CPEB3: variants seen among roughly 807,000 people sequenced by gnomAD.
CPEB3 encodes the protein cytoplasmic polyadenylation element binding protein 3, also known as cytoplasmic polyadenylation element-binding protein 3.
A neutral mutation model predicts 67.2 loss-of-function variants in CPEB3; 20 were observed. The ratio of observed to expected loss-of-function variants is 0.30; its 90% CI spans 0.21 to 0.43. CPEB3 has a LOEUF of 0.43. CPEB3 is among the 20% of genes least tolerant of loss of function. The pLI is 1.00. For missense variants in CPEB3, 746 were observed against 968.6 expected (o/e 0.77, Z 3.05); for synonymous variants, 376 against 393.1 (o/e 0.96, Z 0.51).
chr10:92,159,749 C>T (rs996441283), intron 4 of CPEB3, among the ~76,000 whole-genome samples: 3 of 152,148 alleles, frequency 2.0e-5, no homozygotes, highest in Non-Finnish European at 4.4e-5. Flanking sequence ...ACTTTTCAGC[C>T]GGATAGTTGA....
intron 8 of CPEB3, among the ~76,000 whole-genome samples, chr10:92,089,514 C>A (rs1458108206): frequency 9.2e-5 from 14 of 152,054 alleles, no homozygotes; most frequent in Admixed American, 7.2e-4. Flanking sequence ...CGGCTGGGCA[C>A]GGTGGCTCAC....
chr10:92,150,369 G>T (rs1846907014), intron 4 of CPEB3, among the ~76,000 whole-genome samples: 1 of 151,952 alleles, frequency 6.6e-6, no homozygotes, highest in African/African-American at 2.4e-5. Context: ...TGGGATTACA[G>T]GCATGAGCCA....
intron 2 of CPEB3, among the ~76,000 whole-genome samples, chr10:92,195,743 T>C (rs1849210404): frequency 6.6e-6 from 1 of 152,200 alleles, no homozygotes; most frequent in African/African-American, 2.4e-5. Context: ...TATTTTTTCA[T>C]TTAATTATTG....
chr10:92,207,155 G>T (rs960437863), intron 2 of CPEB3, among the ~76,000 whole-genome samples: 2 of 151,962 alleles, frequency 1.3e-5, no homozygotes. Context: ...GCTAATTTTG[G>T]TATTTTTTGT....
chr10:92,282,203 T>C (rs997212110), intron 1 of CPEB3, among the ~76,000 whole-genome samples: 2 of 152,188 alleles, frequency 1.3e-5, no homozygotes, highest in African/African-American at 4.8e-5. Context: ...TCTCCCACCA[T>C]ATTTATAAGG....
chr10:92,055,973 G>T (rs1242046195), intron 9 of CPEB3, among the ~76,000 whole-genome samples: 2 of 152,178 alleles, frequency 1.3e-5, no homozygotes, highest in South Asian at 2.1e-4. Context: ...AGCCAAGATT[G>T]TGTCATTGTA....
intron 3 of CPEB3, among the ~76,000 whole-genome samples, chr10:92,182,805 G>A (rs1025484294): frequency 2.0e-4 from 27 of 136,482 alleles, no homozygotes; most frequent in South Asian, 4.5e-4. Flanking sequence ...CAGCCAGGGC[G>A]ACAGAGCAAG....
rs1564735464 is a variant in CPEB3 at position 92,047,274 on chromosome 10, A to AC, written c.*4937_*4938insG. 3 of 152,152 alleles carry AC rather than the reference A, an allele frequency of 2.0e-5. No individual in the cohort carries two copies. Among genetic ancestry groups the AC allele is most frequent in the South Asian group, 4.2e-4 (2 of 4,802 alleles). The allele number at this position is 152,152 out of a possible 1,614,324, so 9.4% of individuals were successfully genotyped here. On this transcript the variant is annotated 3_prime_UTR_variant, in exon 10 of 10. Coordinates refer to ENST00000265997, the MANE Select transcript of CPEB3 (RefSeq NM_014912.5). ...TTGGTTATTATAAAAGAAAAAAAAA[A>AC]ACAAATGTTAGCTGACATACCATAC...
In CPEB3 at chr10:92,125,252, T is replaced by C. The variant is rs113119563; in HGVS notation, c.1454-14058A>G. Among the ~76,000 whole-genome samples the C allele has an allele frequency of 5.3e-3, 814 of 152,372 alleles. 7 individuals carry two copies. The highest frequency in any genetic ancestry group is 0.017 in the Middle Eastern group (5 of 294). ...TCACCTGGACCCTGTGCCCCTAGAC[T>C]GCTGAAGCTGACACTGTAAGCTGCC... On this transcript the variant is annotated intron_variant, in intron 6 of 9. Coordinates refer to ENST00000265997, the MANE Select transcript of CPEB3 (RefSeq NM_014912.5).
At chr10:92,110,373 C>A (rs1430753145) in intron 7 of CPEB3, among the ~76,000 whole-genome samples, 1 of 152,170 alleles carries the variant, frequency 6.6e-6, no homozygotes, top group East Asian at 1.9e-4. Context: ...CCCACAGATC[C>A]CTACTTCTGT....
chr10:92,208,196 A>T (rs1849888220), intron 2 of CPEB3, among the ~76,000 whole-genome samples: 1 of 152,206 alleles, frequency 6.6e-6, no homozygotes, highest in Admixed American at 6.5e-5. Context: ...GAAAGTGAAT[A>T]TTTGCTTGTC....
chr10:92,287,032 T>G (rs1345591029), intron 1 of CPEB3, among the ~76,000 whole-genome samples: 1 of 152,254 alleles, frequency 6.6e-6, no homozygotes, highest in East Asian at 1.9e-4. Flanking sequence ...AAATATTTTC[T>G]GTAGGTTAAT....
intron 9 of CPEB3, among the ~76,000 whole-genome samples, chr10:92,056,363 C>T (rs889836638): frequency 2.0e-5 from 3 of 152,182 alleles, no homozygotes; most frequent in Non-Finnish European, 4.4e-5. Context: ...CATCAACCTC[C>T]ACCCGACCCA....
chr10:92,260,214 T>C (rs1852728891), intron 1 of CPEB3, among the ~76,000 whole-genome samples: 1 of 152,272 alleles, frequency 6.6e-6, no homozygotes, highest in South Asian at 2.1e-4. Flanking sequence ...ATTCTGAATA[T>C]CATTGATGGG....
intron 2 of CPEB3, among the ~76,000 whole-genome samples, chr10:92,234,474 C>G (rs1851430384): frequency 6.6e-6 from 1 of 152,016 alleles, no homozygotes; most frequent in Non-Finnish European, 1.5e-5. Context: ...CAGATTCAGT[C>G]CAGCTTCTTA....
chr10:92,267,889 G>A (rs1853131985), intron 1 of CPEB3, among the ~76,000 whole-genome samples: 1 of 152,130 alleles, frequency 6.6e-6, no homozygotes, highest in Non-Finnish European at 1.5e-5. Context: ...CACGATCTCG[G>A]CTCACTGCCG....
intron 6 of CPEB3, among the ~76,000 whole-genome samples, chr10:92,119,459 G>A (rs545212730): frequency 9.2e-5 from 14 of 152,232 alleles, no homozygotes; most frequent in East Asian, 1.9e-4. Context: ...GCTTTGATTT[G>A]TGCCAAAGGT....
chr10:92,112,126 C>CTTTTT (rs201432910), intron 6 of CPEB3, among the ~76,000 whole-genome samples: 24 of 122,048 alleles, frequency 2.0e-4, no homozygotes, highest in East Asian at 7.6e-4. Flanking sequence ...GACCACGTTC[C>CTTTTT]TTTTTTTTTT....
rs182191476 is a variant in CPEB3 at position 92,269,619 on chromosome 10, G to A, written c.-12+21307C>T. Among the ~76,000 whole-genome samples the A allele has an allele frequency of 1.3e-3, 197 of 152,196 alleles. 6 individuals carry two copies. The South Asian group carries it at 0.039, about 30-fold the overall frequency. ...GTCACCCAGGCTGGAGTGCAATGGCGCAATCTCGGCTCACCACAACCTCTG... is the reference window on the plus strand; with the variant it reads ...GTCACCCAGGCTGGAGTGCAATGGCACAATCTCGGCTCACCACAACCTCTG... On this transcript the variant is annotated intron_variant, in intron 1 of 9. Coordinates refer to ENST00000265997, the MANE Select transcript of CPEB3 (RefSeq NM_014912.5).
Sources: gnomAD v4.1 joint callset for allele counts (sites outside exome capture counted in the v4.1 genomes callset) on GRCh38, gnomAD v4.1.1 for gene constraint, MANE v1.5 for transcripts, NCBI Gene and HGNC (gene_info 2026-07-23, HGNC 2026-07-21) for gene names.